HCN1: variants seen among roughly 807,000 people sequenced by gnomAD.
HCN1 encodes the protein potassium/sodium hyperpolarization-activated cyclic nucleotide-gated channel 1.
HCN1 carries 13 observed loss-of-function variants against 78.9 expected under a neutral mutation model. That is an observed-to-expected ratio of 0.16 (90% CI 0.11 to 0.26). The LOEUF is 0.26. HCN1 is among the 10% of genes least tolerant of loss of function. HCN1 has a pLI of 1.00. For synonymous variants in HCN1, 552 were observed against 455.5 expected (o/e 1.21, Z -2.70); for missense variants, 810 against 1,154.3 (o/e 0.70, Z 4.32).
chr5:45,620,875 A>G (rs1580003103), intron 2 of HCN1, among the ~76,000 whole-genome samples: 1 of 152,142 alleles, frequency 6.6e-6, no homozygotes, highest in Non-Finnish European at 1.5e-5. Flanking sequence ...CATTCAATCT[A>G]TTATTTATTG....
chr5:45,394,503 A>G (rs1466683106), intron 4 of HCN1, among the ~76,000 whole-genome samples: 5 of 152,242 alleles, frequency 3.3e-5, no homozygotes, highest in Non-Finnish European at 1.5e-5. Context: ...ATTGAAATTT[A>G]AACATATACT....
At chr5:45,693,730 T>C (rs920956241) in intron 1 of HCN1, among the ~76,000 whole-genome samples, 1 of 152,164 alleles carries the variant, frequency 6.6e-6, no homozygotes, top group Admixed American at 6.5e-5. Flanking sequence ...TGTTTTTATT[T>C]AGCAAGTGGG....
At chr5:45,383,366 A>C (rs1747845737) in intron 4 of HCN1, among the ~76,000 whole-genome samples, 1 of 151,994 alleles carries the variant, frequency 6.6e-6, no homozygotes, top group South Asian at 2.1e-4. Context: ...ATTTTAAAAC[A>C]TGGTACATAA....
chr5:45,403,936 T>C (rs952233838), intron 3 of HCN1, among the ~76,000 whole-genome samples: 1 of 152,154 alleles, frequency 6.6e-6, no homozygotes, highest in Non-Finnish European at 1.5e-5. Flanking sequence ...AAGTGGAAGA[T>C]TCAGTGTTTT....
chr5:45,495,716 A>T (rs899512642), intron 2 of HCN1, among the ~76,000 whole-genome samples: 4 of 152,170 alleles, frequency 2.6e-5, no homozygotes, highest in African/African-American at 7.2e-5. Context: ...TTGCCCATTC[A>T]CTATGATATT....
chr5:45,422,497 G>T (rs1203175729), intron 3 of HCN1, among the ~76,000 whole-genome samples: 1 of 151,986 alleles, frequency 6.6e-6, no homozygotes, highest in Non-Finnish European at 1.5e-5. Context: ...CCCCTCAAGG[G>T]CCAAACCTCC....
intron 5 of HCN1, among the ~76,000 whole-genome samples, chr5:45,344,145 G>A (rs188934538): frequency 2.8e-4 from 42 of 152,172 alleles, no homozygotes; most frequent in African/African-American, 5.3e-4. Context: ...GAGAAGTGAT[G>A]AGCAAAAGGG....
At chr5:45,307,491 G>A (rs1604320) in intron 5 of HCN1, among the ~76,000 whole-genome samples, 4,499 of 152,192 alleles carry the variant, frequency 0.03, 92 homozygotes, top group Non-Finnish European at 0.041. Context: ...CATGTTGGTA[G>A]CATGTACTCT....
rs1307325981 is a variant in HCN1, at chr5:45,307,312, T to C, written c.1378-3473A>G. Among the ~76,000 whole-genome samples, 4 of 152,064 alleles carry C rather than the reference T, an allele frequency of 2.6e-5. 1 individual carries two copies. The highest frequency in any genetic ancestry group is 2.6e-4 in the Admixed American group (4 of 15,234). On this transcript the variant is annotated intron_variant, in intron 5 of 7. Coordinates refer to ENST00000303230, the MANE Select transcript of HCN1 (RefSeq NM_021072.4). ...TATAAGCACTCCTGCCTCAAAAAGT[T>C]GGAGAATAATTACCAAACCCTTAAG...
intron 5 of HCN1, among the ~76,000 whole-genome samples, chr5:45,319,524 C>T (rs1746077654): frequency 6.6e-6 from 1 of 151,744 alleles, no homozygotes; most frequent in South Asian, 2.1e-4. Context: ...TTGTGAGGTG[C>T]CCAGTAAAGA....
chr5:45,438,239 G>T lies in HCN1; in HGVS notation c.1011+23607C>A, dbSNP rs1048319540. Among the ~76,000 whole-genome samples the T allele has an allele frequency of 2.0e-5, 3 of 152,142 alleles. No individual in the cohort carries two copies. In the East Asian group the frequency reaches 5.8e-4, roughly 29 times the overall value. ...TTTGATCATCTACAAGATATGCCAAGCTGGAGTTAAACTGATAGAAGATTG... is the reference window on the plus strand; with the variant it reads ...TTTGATCATCTACAAGATATGCCAATCTGGAGTTAAACTGATAGAAGATTG... On this transcript the variant is annotated intron_variant, in intron 3 of 7. Coordinates refer to ENST00000303230, the MANE Select transcript of HCN1 (RefSeq NM_021072.4).
intron 2 of HCN1, among the ~76,000 whole-genome samples, chr5:45,546,292 T>G (rs1027371471): frequency 6.6e-6 from 1 of 151,986 alleles, no homozygotes; most frequent in African/African-American, 2.4e-5. Context: ...CCTCAATACT[T>G]TCTTTGCAAT....
At chr5:45,691,456 CTAAA>C (rs1472753842) in intron 1 of HCN1, among the ~76,000 whole-genome samples, 8 of 151,938 alleles carry the variant, frequency 5.3e-5, no homozygotes, top group Non-Finnish European at 7.4e-5. Context: ...GAAAAAGTAA[CTAAA>C]TAAATTCACA....
chr5:45,593,315 CTCTCTCCCT>C (rs1314439556), intron 2 of HCN1, among the ~76,000 whole-genome samples: 39,360 of 110,848 alleles, frequency 0.36, 6,949 homozygotes, highest in East Asian at 0.44. Flanking sequence ...CTCTCTCTCT[CTCTCTCCCT>C]CTCTCTCTCT....
At chr5:45,372,158 T>G (rs1399958800) in intron 4 of HCN1, among the ~76,000 whole-genome samples, 1 of 39,534 alleles carries the variant, frequency 2.5e-5, no homozygotes, top group African/African-American at 3.1e-4. Flanking sequence ...ATATAATATG[T>G]TATTATATAT....
At chr5:45,398,565 G>T (rs1207228391) in intron 3 of HCN1, among the ~76,000 whole-genome samples, 1 of 152,018 alleles carries the variant, frequency 6.6e-6, no homozygotes, top group African/African-American at 2.4e-5. Context: ...GCCTTTTATT[G>T]AATTGAATGT....
chr5:45,355,139 A>G (rs190958883), intron 4 of HCN1, among the ~76,000 whole-genome samples: 2 of 152,168 alleles, frequency 1.3e-5, no homozygotes, highest in Non-Finnish European at 1.5e-5. Flanking sequence ...ATCAACAATA[A>G]GAGAGTATTT....
chr5:45,351,058 G>A (rs558872723), intron 5 of HCN1, among the ~76,000 whole-genome samples: 13 of 152,092 alleles, frequency 8.5e-5, no homozygotes, highest in Admixed American at 4.6e-4. Flanking sequence ...AAAAGAGCCC[G>A]CATCACCAAG....
At chr5:45,284,953 C>CT (rs1745238194) in intron 6 of HCN1, among the ~76,000 whole-genome samples, 1 of 151,984 alleles carries the variant, frequency 6.6e-6, no homozygotes, top group African/African-American at 2.4e-5. Context: ...CTATTAAACT[C>CT]TAAGTGGAAC....
Sources: gnomAD v4.1 joint callset for allele counts (sites outside exome capture counted in the v4.1 genomes callset) on GRCh38, gnomAD v4.1.1 for gene constraint, MANE v1.5 for transcripts, NCBI Gene and HGNC (gene_info 2026-07-23, HGNC 2026-07-21) for gene names.